The following CIITA variants were observed in gnomAD, a reference collection of about 807,000 sequenced individuals.
CIITA encodes the protein class II major histocompatibility complex transactivator, also known as MHC class II transactivator.
CIITA carries 72 observed loss-of-function variants against 115.1 expected under a neutral mutation model. The observed-to-expected ratio is 0.63, with a 90% CI of 0.52 to 0.76. The LOEUF (loss-of-function observed/expected upper bound fraction) is 0.76. Ranked by LOEUF, CIITA falls within the 30% of genes least tolerant of loss-of-function variation. CIITA has a pLI of 0.00. For synonymous variants in CIITA, 763 were observed against 635.6 expected (o/e 1.20, Z -3.02); for missense variants, 1,617 against 1,463.8 (o/e 1.10, Z -1.71).
Position 10,907,885 on chromosome 16 carries a change from C to T in CIITA, c.2393C>T (p.Pro798Leu), listed in dbSNP as rs762042705. Residue 798 changes from proline (P) to leucine (L), a missense_variant, in exon 11 of 20, where the codon CCG becomes CTG. Pro to Leu is a moderately conservative substitution (Grantham distance 98, BLOSUM62 -3). Transcript: ENST00000324288. This position sits in a 1 kb window ranked among gnomAD's most constrained non-coding sequence, Gnocchi z 5.0. ...GCGAGGTACCTGAAGCGGCTGCAGC[C>T]GGGGACACTGCGGGCGCGGCAGCTG... Reference protein sequence around the residue: ...VLARYLKRLQPGTLRARQLLE... With the variant: ...VLARYLKRLQLGTLRARQLLE... The T allele has an allele frequency of 7.5e-6, 12 of 1,601,244 alleles. No individual in the cohort carries two copies. Among genetic ancestry groups the T allele is most frequent in the South Asian group, 2.2e-5 (2 of 89,290 alleles).
intron 1 of CIITA, 105 bp from the exon 2 acceptor site, chr16:10,895,177 C>A: frequency 7.3e-7 from 1 of 1,363,336 alleles, no homozygotes; most frequent in Non-Finnish European, 1.0e-6. Context: ...CTTTTATTCA[C>A]TCCTCTCATC....
At chr16:10,899,398 G>A (rs903472616) in intron 5 of CIITA, among the ~76,000 whole-genome samples, 3 of 98,998 alleles carry the variant, frequency 3.0e-5, no homozygotes, top group Non-Finnish European at 6.1e-5. Flanking sequence ...GAATCTTTCT[G>A]GTGTTGGCTA....
rs111422735 is a variant in CIITA at position 10,879,382 on chromosome 16, C to T, written c.52+2000C>T. Among the ~76,000 whole-genome samples the T allele has an allele frequency of 0.029, 4,446 of 152,048 alleles. 100 individuals are homozygous for T. The highest frequency in any genetic ancestry group is 0.073 in the South Asian group (350 of 4,814). On this transcript the variant is annotated intron_variant, in intron 1 of 19. Transcript: ENST00000324288. The surrounding 1 kb of genome is among the most constrained non-coding windows in gnomAD (Gnocchi z 4.3). ...TCCCCCGGCCACCCTTGGCCGACTC[C>T]GCGCGCCCGGGATCCTGCAGAGGTG...
chr16:10,877,509 G>A lies in CIITA; in HGVS notation c.52+127G>A. 3 of 970,756 alleles carry A rather than the reference G, an allele frequency of 3.1e-6. No individual in the cohort carries two copies. The Admixed American group carries it at 6.0e-5, about 19-fold the overall frequency. 60.1% of individuals were successfully genotyped at this position (970,756 alleles called of 1,614,324 possible). On this transcript the variant is annotated intron_variant, in intron 1 of 19. Transcript: ENST00000324288. ...GGATGGGAACAGGAGTCTGTGTCCT[G>A]CTGGGGCAGGCCATTGGAAGATGTG...
At chr16:10,876,444 G>C (rs1441653994), upstream of CIITA, among the ~76,000 whole-genome samples, 1 of 152,238 alleles carries the variant, frequency 6.6e-6, no homozygotes, top group Non-Finnish European at 1.5e-5. Flanking sequence ...GACTGTAGAA[G>C]GCTCTGAGGC....
At chr16:10,921,267 G>C (rs1389708904) in intron 16 of CIITA, among the ~76,000 whole-genome samples, 1 of 152,250 alleles carries the variant, frequency 6.6e-6, no homozygotes, top group Non-Finnish European at 1.5e-5. Context: ...TTAAAAGGCT[G>C]CTTGGTGTCG....
rs1596514947 is a variant in CIITA, at chr16:10,899,009, G to T, written c.436+7G>T. The T allele has an allele frequency of 1.2e-6, 2 of 1,613,852 alleles. No individual in the cohort carries two copies. On this transcript the variant is annotated splice_region_variant and intron_variant, in intron 5 of 19. Transcript: ENST00000324288. ...CAGAAAAGTCAGAAAAGACGTGAGT[G>T]AGCCCCTCCCTGATCCAACCTAGCC...
chr16:10,910,196 G>T lies in CIITA; in HGVS notation c.2825G>T (p.Ser942Ile), dbSNP rs2039464523. 1 of 1,614,072 alleles carries T rather than the reference G, an allele frequency of 6.2e-7. No homozygotes were observed. Among genetic ancestry groups the T allele is most frequent in the Non-Finnish European group, 8.5e-7 (1 of 1,179,982 alleles). Residue 942 changes from serine to isoleucine, a missense_variant, in exon 13 of 20, where the codon AGT (serine) becomes ATT (isoleucine). Transcript: ENST00000324288. ...TTGCCTGTTCTCTCCAGGACGAGAAGTTCCTCGGAAGACACAGCTGGGGAG... is the reference window on the plus strand; with the variant it reads ...TTGCCTGTTCTCTCCAGGACGAGAATTTCCTCGGAAGACACAGCTGGGGAG... ...GKLVQTQRTR[S>I]SSEDTAGELP...
At chr16:10,874,128 C>T (rs2035670494), upstream of CIITA, among the ~76,000 whole-genome samples, 2 of 152,082 alleles carry the variant, frequency 1.3e-5, no homozygotes, top group African/African-American at 4.8e-5. Flanking sequence ...GGATTACAGG[C>T]GTGCACCACC....
intron 1 of CIITA, among the ~76,000 whole-genome samples, chr16:10,891,281 T>G (rs931066909): frequency 3.4e-3 from 404 of 118,814 alleles, no homozygotes; most frequent in South Asian, 4.1e-3. Context: ...GCAGGGGGAG[T>G]GGGGGAGAAG....
chr16:10,918,949 G>A lies in CIITA; in HGVS notation c.3149+423G>A, dbSNP rs2040117797. 2.0e-5 allele frequency among the ~76,000 whole-genome samples: 3 copies of A among 152,076 alleles called. No individual in the cohort carries two copies. In the South Asian group the frequency reaches 6.2e-4, roughly 32 times the overall value. On this transcript the variant is annotated intron_variant, in intron 16 of 19. Coordinates refer to ENST00000324288, the MANE Select transcript of CIITA (RefSeq NM_000246.4). Reference sequence around the variant, plus strand: ...CACTGCCACCTTCTGGTAGGCCTTGGCATAGCACCTCTTGCTTTTGAGTGA... The same window carrying A: ...CACTGCCACCTTCTGGTAGGCCTTGACATAGCACCTCTTGCTTTTGAGTGA...
chr16:10,882,691 A>C (rs1028572886), intron 1 of CIITA, among the ~76,000 whole-genome samples: 1 of 152,182 alleles, frequency 6.6e-6, no homozygotes, highest in Non-Finnish European at 1.5e-5. Flanking sequence ...TGGGATCAGG[A>C]GTTCGAGACC....
In CIITA at chr16:10,901,963, C is replaced by G; in HGVS notation, c.482-75C>G. 2 of 1,570,832 alleles carry G rather than the reference C, an allele frequency of 1.3e-6. No homozygotes were observed. The highest frequency in any genetic ancestry group is 1.1e-5 in the South Asian group (1 of 90,166). Reference sequence around the variant, plus strand: ...TCCTCTGTCAGGAGAGACATCCATGCCACTCCAGGGCCCTCCCCATCCCAG... The same window carrying G: ...TCCTCTGTCAGGAGAGACATCCATGGCACTCCAGGGCCCTCCCCATCCCAG... On this transcript the variant is annotated intron_variant, in intron 6 of 19. Transcript: ENST00000324288. The surrounding 1 kb of genome is among the most constrained non-coding windows in gnomAD (Gnocchi z 6.8).
chr16:10,928,102 T>C lies in CIITA; in HGVS notation c.*4247T>C, dbSNP rs2040608530. 1 of 152,212 alleles carries C rather than the reference T, an allele frequency of 6.6e-6. No individual in the cohort carries two copies. Among genetic ancestry groups the C allele is most frequent in the Non-Finnish European group, 1.5e-5 (1 of 68,060 alleles). The allele number at this position is 152,212 out of a possible 1,614,324, so 9.4% of individuals were successfully genotyped here. ...TTCTTTAGCATCACTTGAGGGCAAG[T>C]GGTGCTCCAACTGTCTCCCCCCAGA... is the stretch of plus-strand genomic sequence containing the variant. On this transcript the variant is annotated 3_prime_UTR_variant, in exon 20 of 20. Transcript: ENST00000324288.
chr16:10,915,528 T>C, intron 13 of CIITA, 42 bp from the exon 14 acceptor site: 9 of 1,505,946 alleles, frequency 6.0e-6, no homozygotes, highest in Non-Finnish European at 8.3e-6. Flanking sequence ...TGAGGGGCTG[T>C]GACTGTGACT....
intron 1 of CIITA, chr16:10,866,401 A>G (rs1490061093): frequency 3.5e-6 from 2 of 566,072 alleles, no homozygotes; most frequent in South Asian, 2.8e-5. Flanking sequence ...CCTCCTCTCC[A>G]GGGAATACCA....
chr16:10,906,936 G>T lies in CIITA; in HGVS notation c.1444G>T (p.Glu482Ter). 1 of 1,613,336 alleles carries T rather than the reference G, an allele frequency of 6.2e-7. No homozygotes were observed. Among genetic ancestry groups the T allele is most frequent in the Non-Finnish European group, 8.5e-7 (1 of 1,180,032 alleles). ...CCCACAGCCACTCGTGGCGGCCGAT[G>T]AGGTTTTCAGCCACATCTTGAAGAG... The part of the protein sequence containing the change: ...LGPQPLVAAD[E>*]VFSHILKRPD... The change falls in exon 11 of 20, where the codon GAG becomes TAG. Residue 482 changes from glutamate to a stop codon, truncating the protein, a stop_gained. Coordinates refer to ENST00000324288, the MANE Select transcript of CIITA (RefSeq NM_000246.4). LOFTEE classifies it high-confidence loss of function.
chr16:10,899,102 G>C (rs2038441866), intron 5 of CIITA, 100 bp downstream of exon 5: 8 of 1,142,922 alleles, frequency 7.0e-6, no homozygotes, highest in Non-Finnish European at 1.1e-5. Context: ...CCCTCGCTAA[G>C]TCCTGTCTGG....
At chr16:10,900,315 G>C (rs1411481762) in intron 5 of CIITA, among the ~76,000 whole-genome samples, 1 of 152,112 alleles carries the variant, frequency 6.6e-6, no homozygotes, top group Non-Finnish European at 1.5e-5. Flanking sequence ...CTCCCTGTCT[G>C]GGAGGTCACG....
Sources: gnomAD v4.1 joint callset for allele counts (sites outside exome capture counted in the v4.1 genomes callset) on GRCh38, gnomAD v4.1.1 for gene constraint, Gnocchi (gnomAD v3.1) non-coding constraint, MANE v1.5 for transcripts, NCBI Gene and HGNC (gene_info 2026-07-23, HGNC 2026-07-21) for gene names.